The following WDR70 variants were observed in gnomAD, a reference collection of about 807,000 sequenced individuals.
WDR70 encodes WD repeat-containing protein 70.
A neutral mutation model predicts 88.6 loss-of-function variants in WDR70; 53 were observed. The ratio of observed to expected loss-of-function variants is 0.60; its 90% CI spans 0.48 to 0.75. WDR70 has a LOEUF of 0.75. WDR70 is among the 30% of genes least tolerant of loss of function. WDR70 has a pLI of 0.00. For missense variants in WDR70, 610 were observed against 823.2 expected, an observed-to-expected ratio of 0.74 and a Z score of 3.17; for synonymous variants, 280 against 270.0, an observed-to-expected ratio of 1.04 and a Z score of -0.36.
intron 8 of WDR70, among the ~76,000 whole-genome samples, chr5:37,500,265 A>T (rs1740367268): frequency 6.6e-6 from 1 of 152,152 alleles, no homozygotes; most frequent in South Asian, 2.1e-4. Flanking sequence ...AAAAGACATT[A>T]TTTCGTTCTT....
chr5:37,523,928 G>C (rs1178774632), intron 9 of WDR70, among the ~76,000 whole-genome samples: 8 of 152,080 alleles, frequency 5.3e-5, no homozygotes, highest in Non-Finnish European at 1.5e-5. Context: ...GACGTTTAGA[G>C]AAAAAAGAGT....
intron 9 of WDR70, among the ~76,000 whole-genome samples, chr5:37,525,392 C>T (rs941880426): frequency 2.6e-4 from 40 of 152,212 alleles, no homozygotes; most frequent in African/African-American, 9.1e-4. Flanking sequence ...GGGTACATAA[C>T]GAAATGAAGG....
intron 7 of WDR70, among the ~76,000 whole-genome samples, chr5:37,472,796 G>T (rs1739365217): frequency 6.6e-6 from 1 of 152,054 alleles, no homozygotes; most frequent in Non-Finnish European, 1.5e-5. Context: ...ACTGTGCCTG[G>T]CCAAGTGTAC....
chr5:37,516,556 A>G lies in WDR70; in HGVS notation c.883A>G (p.Ile295Val). ...TCATACTGGCTCATGGCATCCCAAA[A>G]TAAAGGGAGAATTTATGACTTGCTC... is the stretch of plus-strand genomic sequence containing the variant. ...MLHTGSWHPK[I>V]KGEFMTCSND... Residue 295 changes from isoleucine (I) to valine (V), a missense_variant, in exon 9 of 18, where the codon ATA becomes GTA. Around this residue, in one of 4 missense-constraint regions of WDR70, gnomAD observed 83 missense variants for 155.3 expected, o/e 0.53. Transcript: ENST00000265107. 6.2e-7 allele frequency: 1 copy of G among 1,607,182 alleles called. No homozygotes were observed. The highest frequency in any genetic ancestry group is 8.5e-7 in the Non-Finnish European group (1 of 1,175,442).
intron 13 of WDR70, among the ~76,000 whole-genome samples, chr5:37,704,825 T>G (rs1263141159): frequency 6.6e-6 from 1 of 152,016 alleles, no homozygotes; most frequent in African/African-American, 2.4e-5. Context: ...GAGAGATATC[T>G]AGAGTTAGAA....
intron 9 of WDR70, among the ~76,000 whole-genome samples, chr5:37,564,326 C>G (rs1742664717): frequency 1.3e-5 from 2 of 152,246 alleles, no homozygotes; most frequent in African/African-American, 4.8e-5. Flanking sequence ...GAGCTGGAGA[C>G]CAGCCCGGCC....
chr5:37,557,631 A>G (rs1476612640), intron 9 of WDR70, among the ~76,000 whole-genome samples: 2 of 152,180 alleles, frequency 1.3e-5, no homozygotes, highest in Non-Finnish European at 2.9e-5. Context: ...GGTGGGAGGT[A>G]CTATAGACTT....
At chr5:37,746,693 C>T (rs1249464656) in intron 17 of WDR70, among the ~76,000 whole-genome samples, 2 of 152,298 alleles carry the variant, frequency 1.3e-5, no homozygotes, top group East Asian at 3.9e-4. Flanking sequence ...TTCCTGGACA[C>T]ATACACCCTC....
chr5:37,609,067 A>G (rs1744113759), intron 10 of WDR70, among the ~76,000 whole-genome samples: 1 of 152,242 alleles, frequency 6.6e-6, no homozygotes, highest in Admixed American at 6.5e-5. Flanking sequence ...TTCTAAGAAT[A>G]CATTTAAAGA....
rs1739661360 is a variant in WDR70 at position 37,481,313 on chromosome 5, A to G, written c.840+1326A>G. 2.0e-5 allele frequency among the ~76,000 whole-genome samples: 3 copies of G among 151,718 alleles called. No individual in the cohort carries two copies. The South Asian group carries it at 6.2e-4, about 31-fold the overall frequency. Reference sequence around the variant, plus strand: ...TATTTCCCTTTGACACTGCCCTACCAGAGGTTATCCATGAGGGCCCCCCCC... The same window carrying G: ...TATTTCCCTTTGACACTGCCCTACCGGAGGTTATCCATGAGGGCCCCCCCC... On this transcript the variant is annotated intron_variant, in intron 8 of 17. Transcript: ENST00000265107.
intron 10 of WDR70, among the ~76,000 whole-genome samples, chr5:37,669,392 C>CT (rs74326452): frequency 2.9e-5 from 3 of 105,130 alleles, no homozygotes; most frequent in African/African-American, 1.3e-4. Context: ...ACATAATTAT[C>CT]TTTTTTTTAA....
chr5:37,389,985 C>G (rs1452027543), intron 3 of WDR70, among the ~76,000 whole-genome samples: 3 of 152,124 alleles, frequency 2.0e-5, no homozygotes, highest in Non-Finnish European at 4.4e-5. Context: ...AAGAATACAA[C>G]ATTCCACTTG....
chr5:37,392,177 G>T (rs1002820601), intron 4 of WDR70, 57 bp downstream of exon 4: 260 of 1,310,340 alleles, frequency 2.0e-4, no homozygotes, highest in Non-Finnish European at 2.3e-4. Flanking sequence ...TGTTTATAGA[G>T]TTTTTTTTTT....
At chr5:37,657,633 A>C (rs536090482) in intron 10 of WDR70, among the ~76,000 whole-genome samples, 3 of 152,200 alleles carry the variant, frequency 2.0e-5, no homozygotes, top group Admixed American at 6.5e-5. Context: ...AAGGTTGAGA[A>C]CCATTCAGCC....
At chr5:37,680,362 G>C (rs368746619) in intron 10 of WDR70, among the ~76,000 whole-genome samples, 1 of 152,046 alleles carries the variant, frequency 6.6e-6, no homozygotes, top group East Asian at 1.9e-4. Flanking sequence ...TGTTTACTCT[G>C]TTGATAGTTT....
At chr5:37,688,926 C>T (rs1256629722) in intron 10 of WDR70, among the ~76,000 whole-genome samples, 1 of 152,112 alleles carries the variant, frequency 6.6e-6, no homozygotes, top group East Asian at 1.9e-4. Flanking sequence ...AATTCCCTTT[C>T]CTAGCCGAGG....
intron 10 of WDR70, among the ~76,000 whole-genome samples, chr5:37,618,804 A>G (rs913041012): frequency 1.3e-5 from 2 of 152,196 alleles, no homozygotes; most frequent in Non-Finnish European, 2.9e-5. Context: ...CATTTTTAAA[A>G]GAATCATTCT....
At chr5:37,632,449 C>T (rs1397942943) in intron 10 of WDR70, among the ~76,000 whole-genome samples, 1 of 152,092 alleles carries the variant, frequency 6.6e-6, no homozygotes, top group African/African-American at 2.4e-5. Context: ...GTGTTATTAC[C>T]TCTGAACACC....
At chr5:37,725,745 C>T (rs1338469874) in intron 16 of WDR70, among the ~76,000 whole-genome samples, 1 of 151,964 alleles carries the variant, frequency 6.6e-6, no homozygotes, top group Non-Finnish European at 1.5e-5. Flanking sequence ...ATTGTGAACC[C>T]TTCTAACTAT....
Sources: allele counts gnomAD v4.1 joint callset (sites outside exome capture counted in the v4.1 genomes callset), GRCh38; gene constraint gnomAD v4.1.1; regional missense constraint gnomAD v4.1.1; transcripts MANE v1.5; gene names NCBI Gene and HGNC (gene_info 2026-07-23, HGNC 2026-07-21).